FBXL7: variants seen among roughly 807,000 people sequenced by gnomAD.
The protein encoded by FBXL7 is F-box/LRR-repeat protein 7.
FBXL7 carries 12 observed loss-of-function variants against 38.3 expected under a neutral mutation model. The observed-to-expected ratio is 0.31, with a 90% CI of 0.20 to 0.51. FBXL7 has a LOEUF of 0.51. Among genes scored for constraint, FBXL7 ranks in the 20% least tolerant of loss-of-function variants. The pLI, the probability that FBXL7 is intolerant of heterozygous loss-of-function variation, is 0.98. For synonymous variants in FBXL7, 297 were observed against 300.9 expected, an observed-to-expected ratio of 0.99 and a Z score of 0.13; for missense variants, 567 against 676.4, an observed-to-expected ratio of 0.84 and a Z score of 1.79.
At position 15,830,986 on chromosome 5, in the gene FBXL7, A is replaced by T. The variant is rs565702216; in HGVS notation, c.128-96904A>T. On this transcript the variant is annotated intron_variant, in intron 2 of 3. Transcript: ENST00000504595. ...GGAGAGTCTCAAGCAGCAAGGCCTC[A>T]GTCCTGGAGTCTAGTTCTTTCTCTG... is the stretch of plus-strand genomic sequence containing the variant. Among the ~76,000 whole-genome samples the T allele has an allele frequency of 8.5e-5, 13 of 152,276 alleles. No individual in the cohort carries two copies. In the East Asian group the frequency reaches 1.6e-3, roughly 18 times the overall value.
intron 2 of FBXL7, among the ~76,000 whole-genome samples, chr5:15,698,581 TA>T (rs1270527079): frequency 6.6e-6 from 1 of 152,250 alleles, no homozygotes; most frequent in Admixed American, 6.5e-5. Flanking sequence ...ACAGTGATGA[TA>T]GATACTAGTT....
intron 2 of FBXL7, among the ~76,000 whole-genome samples, chr5:15,854,791 T>C (rs577942146): frequency 6.6e-5 from 10 of 152,268 alleles, no homozygotes; most frequent in Admixed American, 3.3e-4. Flanking sequence ...ACCCAAACTT[T>C]TTAGTCAAGT....
chr5:15,612,945 G>A (rs1160189592), intron 1 of FBXL7, among the ~76,000 whole-genome samples: 6 of 152,140 alleles, frequency 3.9e-5, no homozygotes. Flanking sequence ...TTAAACTAAT[G>A]CTGTTAATTT....
intron 2 of FBXL7, among the ~76,000 whole-genome samples, chr5:15,782,176 G>A (rs1392592709): frequency 6.6e-6 from 1 of 152,120 alleles, no homozygotes; most frequent in East Asian, 1.9e-4. Context: ...TTTTATGGCT[G>A]CATAGTATTC....
chr5:15,507,473 G>T (rs1467384379), intron 1 of FBXL7, among the ~76,000 whole-genome samples: 3 of 152,166 alleles, frequency 2.0e-5, no homozygotes, highest in Admixed American at 1.3e-4. Context: ...ATGAATTCTG[G>T]ATTGATTTTG....
chr5:15,736,409 A>G (rs753091953), intron 2 of FBXL7, among the ~76,000 whole-genome samples: 5 of 152,216 alleles, frequency 3.3e-5, no homozygotes, highest in African/African-American at 7.2e-5. Flanking sequence ...TTGAATATGC[A>G]AGTATGGTGG....
chr5:15,629,095 G>A (rs1167021419), intron 2 of FBXL7, among the ~76,000 whole-genome samples: 1 of 151,622 alleles, frequency 6.6e-6, no homozygotes, highest in Non-Finnish European at 1.5e-5. Context: ...CTGGGCAACA[G>A]GGTGAGACCT....
intron 2 of FBXL7, among the ~76,000 whole-genome samples, chr5:15,644,177 C>T (rs975348646): frequency 2.6e-5 from 4 of 151,876 alleles, no homozygotes; most frequent in South Asian, 2.1e-4. Context: ...ATGATAATGA[C>T]GCCAGGCGCA....
chr5:15,681,892 A>T (rs1027852233), intron 2 of FBXL7, among the ~76,000 whole-genome samples: 2 of 152,226 alleles, frequency 1.3e-5, no homozygotes, highest in African/African-American at 4.8e-5. Flanking sequence ...AATTGGTGTT[A>T]CCTAGGCAGG....
chr5:15,676,032 A>G (rs1487688105), intron 2 of FBXL7, among the ~76,000 whole-genome samples: 2 of 152,156 alleles, frequency 1.3e-5, no homozygotes, highest in Non-Finnish European at 2.9e-5. Flanking sequence ...CCTCCATATC[A>G]TTGATAACCT....
At chr5:15,804,373 G>A (rs1328274908) in intron 2 of FBXL7, among the ~76,000 whole-genome samples, 2 of 152,178 alleles carry the variant, frequency 1.3e-5, no homozygotes, top group East Asian at 1.9e-4. Flanking sequence ...AGAGGCCGAG[G>A]TGGGAGGATC....
At chr5:15,755,503 G>C (rs1216682869) in intron 2 of FBXL7, among the ~76,000 whole-genome samples, 1 of 152,076 alleles carries the variant, frequency 6.6e-6, no homozygotes, top group African/African-American at 2.4e-5. Context: ...TAATGAGTAG[G>C]TTAGATTAGA....
chr5:15,767,369 A>C (rs965003307), intron 2 of FBXL7, among the ~76,000 whole-genome samples: 5 of 152,352 alleles, frequency 3.3e-5, no homozygotes, highest in African/African-American at 1.2e-4. Flanking sequence ...CACAGAATCA[A>C]AATTAAGACT....
chr5:15,867,874 G>A (rs1739782216), intron 2 of FBXL7, among the ~76,000 whole-genome samples: 1 of 152,090 alleles, frequency 6.6e-6, no homozygotes, highest in Non-Finnish European at 1.5e-5. Context: ...GGGAGGGTGA[G>A]GCAGGCGGAT....
chr5:15,739,957 A>T (rs2126673672), intron 2 of FBXL7, among the ~76,000 whole-genome samples: 1 of 152,226 alleles, frequency 6.6e-6, no homozygotes, highest in Admixed American at 6.5e-5. Context: ...TTTTTGAGGA[A>T]CTGCCCGACT....
intron 2 of FBXL7, among the ~76,000 whole-genome samples, chr5:15,708,647 C>T (rs909071857): frequency 6.6e-6 from 1 of 152,146 alleles, no homozygotes; most frequent in African/African-American, 2.4e-5. Context: ...GAGACATTAT[C>T]CTCAGAGGAA....
intron 2 of FBXL7, among the ~76,000 whole-genome samples, chr5:15,917,800 G>T (rs574119184): frequency 1.9e-4 from 29 of 151,366 alleles, no homozygotes; most frequent in Middle Eastern, 3.4e-3. Flanking sequence ...CATTAAAAAG[G>T]GACATCAGCA....
chr5:15,646,026 A>G (rs976890611), intron 2 of FBXL7, among the ~76,000 whole-genome samples: 2 of 152,112 alleles, frequency 1.3e-5, no homozygotes, highest in South Asian at 2.1e-4. Flanking sequence ...GGAGGAGGGG[A>G]CTATGTTTGA....
At chr5:15,517,987 CGTT>C (rs772638017) in intron 1 of FBXL7, among the ~76,000 whole-genome samples, 4 of 151,928 alleles carry the variant, frequency 2.6e-5, no homozygotes, top group South Asian at 4.2e-4. Context: ...TGTTTGTTTT[CGTT>C]GTTGTTGTTG....
Sources: allele counts gnomAD v4.1 joint callset (sites outside exome capture counted in the v4.1 genomes callset), GRCh38; gene constraint gnomAD v4.1.1; transcripts MANE v1.5; gene names NCBI Gene and HGNC (gene_info 2026-07-23, HGNC 2026-07-21).